UPP2: variants seen among roughly 807,000 people sequenced by gnomAD.
UPP2 encodes uridine phosphorylase 2, also known as UPase 2.
A neutral mutation model predicts 26.7 loss-of-function variants in UPP2; 23 were observed. The observed-to-expected ratio is 0.86, with a 90% CI of 0.62 to 1.22. The LOEUF (loss-of-function observed/expected upper bound fraction) is 1.22. Ranked by LOEUF, UPP2 falls within the 50% of genes most tolerant of loss-of-function variation. UPP2 has a pLI of 0.00. For missense variants in UPP2, 387 were observed against 396.7 expected (o/e 0.98, Z 0.21); for synonymous variants, 127 against 141.3 (o/e 0.90, Z 0.72).
chr2:158,058,429 G>GTGTGTGTGTGTGTGTA (rs1682295224), intron 3 of UPP2, among the ~76,000 whole-genome samples: 1 of 149,936 alleles, frequency 6.7e-6, no homozygotes, highest in African/African-American at 2.5e-5. Context: ...CTGTGTGTGT[G>GTGTGTGTGTGTGTGTA]TGTGTGTGTG....
At chr2:158,027,427 C>T (rs1227508703) in intron 3 of UPP2, among the ~76,000 whole-genome samples, 1 of 152,150 alleles carries the variant, frequency 6.6e-6, no homozygotes, top group Non-Finnish European at 1.5e-5. Flanking sequence ...CTTTTGACTC[C>T]AGGTCTCACA....
intron 3 of UPP2, among the ~76,000 whole-genome samples, chr2:158,077,707 A>G (rs1682653320): frequency 6.6e-6 from 1 of 151,774 alleles, no homozygotes; most frequent in Non-Finnish European, 1.5e-5. Context: ...ATTGGGAAAC[A>G]TTGGATTGGC....
intron 3 of UPP2, among the ~76,000 whole-genome samples, chr2:158,052,837 C>T (rs1043967365): frequency 1.3e-5 from 2 of 152,072 alleles, no homozygotes; most frequent in African/African-American, 4.8e-5. Flanking sequence ...GTCTCAGTCC[C>T]AAGACTCAAC....
At chr2:158,116,149 C>G (rs1241214295) in intron 3 of UPP2, among the ~76,000 whole-genome samples, 1 of 152,194 alleles carries the variant, frequency 6.6e-6, no homozygotes, top group African/African-American at 2.4e-5. Flanking sequence ...ACCAATAAGG[C>G]AGCTAAATTG....
At chr2:158,050,066 A>T (rs981728) in intron 3 of UPP2, among the ~76,000 whole-genome samples, 106,131 of 151,966 alleles carry the variant, frequency 0.7, 37,249 homozygotes, top group African/African-American at 0.73. Flanking sequence ...ACCTTTTGTT[A>T]GTTCTCAAAA....
intron 2 of UPP2, among the ~76,000 whole-genome samples, chr2:158,006,717 G>T (rs1304461411): frequency 6.6e-6 from 1 of 152,182 alleles, no homozygotes; most frequent in Admixed American, 6.5e-5. Context: ...ACCATCTCCA[G>T]TGGGCGTCTT....
upstream of UPP2, among the ~76,000 whole-genome samples, chr2:158,099,068 T>A (rs1209930339): frequency 6.6e-6 from 1 of 152,210 alleles, no homozygotes; most frequent in Non-Finnish European, 1.5e-5. Context: ...ATGCTGAATT[T>A]ACACTTAGTA....
chr2:158,009,025 A>C (rs1172331450), intron 2 of UPP2, among the ~76,000 whole-genome samples: 2 of 152,200 alleles, frequency 1.3e-5, no homozygotes, highest in Non-Finnish European at 2.9e-5. Context: ...TTATCCTTGA[A>C]ATACATGCAG....
Position 158,024,082 on chromosome 2 carries a change from G to A in UPP2, c.147+8196G>A, listed in dbSNP as rs188166513. On this transcript the variant is annotated intron_variant, in intron 3 of 9. Coordinates refer to the UPP2 transcript ENST00000605860. ...AATTTGTTTAAAATGCAAATCCCAG[G>A]ACTTAGACATTCCAATTCTTAGGTC... is the stretch of plus-strand genomic sequence containing the variant. Among the ~76,000 whole-genome samples the A allele has an allele frequency of 4.1e-3, 629 of 152,272 alleles. 6 individuals are homozygous for A. Among genetic ancestry groups the A allele is most frequent in the African/African-American group, 0.015 (604 of 41,538 alleles).
chr2:158,040,570 T>A (rs1170715503), intron 3 of UPP2, among the ~76,000 whole-genome samples: 1 of 152,202 alleles, frequency 6.6e-6, no homozygotes. Flanking sequence ...GGCAAATGGG[T>A]CACTGAAGAA....
rs773396586 is a variant in UPP2, at chr2:158,129,745, A to C, written c.812-5003A>C. On this transcript the variant is annotated intron_variant, in intron 6 of 6. Transcript: ENST00000005756. ...AAAAATAGGAGGCATTTATTTAAGG[A>C]AATAGATAGGAAGGTTTTTTTTTGT... Among the ~76,000 whole-genome samples, 51 of 151,180 alleles carry C rather than the reference A, an allele frequency of 3.4e-4. No homozygotes were observed. In the Middle Eastern group the frequency reaches 0.01, roughly 31 times the overall value.
rs532699026 is a variant in UPP2 at position 158,107,586 on chromosome 2, G to A, written c.180+1370G>A. 1.2e-3 allele frequency among the ~76,000 whole-genome samples: 188 copies of A among 152,084 alleles called. 1 individual carries two copies. The highest frequency in any genetic ancestry group is 4.3e-3 in the African/African-American group (179 of 41,468). ...CACTTACCCAGTGGGTCAAGAGGCA[G>A]GTGAGAAAAGGGGAGGAGGAAGAGG... On this transcript the variant is annotated intron_variant, in intron 2 of 6. Coordinates refer to ENST00000005756, the MANE Select transcript of UPP2 (RefSeq NM_173355.4).
chr2:158,108,433 C>A (rs1471356319), intron 2 of UPP2, among the ~76,000 whole-genome samples: 2 of 151,972 alleles, frequency 1.3e-5, no homozygotes, highest in Non-Finnish European at 2.9e-5. Context: ...TCTGTTCAAA[C>A]AAAACAAAAT....
intron 3 of UPP2, among the ~76,000 whole-genome samples, chr2:158,019,330 A>G (rs1193485879): frequency 6.6e-6 from 1 of 152,146 alleles, no homozygotes; most frequent in African/African-American, 2.4e-5. Context: ...GAGAGAGAAG[A>G]GAGGACAAAC....
chr2:158,098,357 T>G, upstream of UPP2, among the ~76,000 whole-genome samples: 1 of 152,050 alleles, frequency 6.6e-6, no homozygotes, highest in Non-Finnish European at 1.5e-5. Context: ...CGAGGCAGCC[T>G]AAGAAAGGTT....
chr2:158,112,981 T>C (rs1683351072), intron 2 of UPP2, among the ~76,000 whole-genome samples: 1 of 152,194 alleles, frequency 6.6e-6, no homozygotes, highest in Non-Finnish European at 1.5e-5. Context: ...AAGTGTCACT[T>C]AAGGTCAATG....
At chr2:158,104,795 A>T (rs1683145208) in intron 1 of UPP2, among the ~76,000 whole-genome samples, 1 of 151,738 alleles carries the variant, frequency 6.6e-6, no homozygotes, top group Non-Finnish European at 1.5e-5. Flanking sequence ...GGTGGCAGGC[A>T]CCTGTAATCC....
intron 3 of UPP2, among the ~76,000 whole-genome samples, chr2:158,094,579 T>C (rs1171562854): frequency 6.6e-6 from 1 of 152,186 alleles, no homozygotes; most frequent in Non-Finnish European, 1.5e-5. Context: ...AAAAAATTAA[T>C]GGTTAACTCA....
intron 2 of UPP2, among the ~76,000 whole-genome samples, chr2:158,005,250 A>G (rs1417267627): frequency 2.0e-5 from 3 of 152,208 alleles, no homozygotes; most frequent in African/African-American, 7.2e-5. Flanking sequence ...AGCTTTTTCC[A>G]GAGGCCAGGG....
Sources: gnomAD v4.1 joint callset for allele counts (sites outside exome capture counted in the v4.1 genomes callset) on GRCh38, gnomAD v4.1.1 for gene constraint, MANE v1.5 for transcripts, NCBI Gene and HGNC (gene_info 2026-07-23, HGNC 2026-07-21) for gene names.